Variants in LPP observed in about 807,000 individuals in gnomAD.
LPP encodes the protein LIM domain containing preferred translocation partner in lipoma.
In LPP, 38 loss-of-function variants were observed where a neutral mutation model predicts 60.4. The ratio of observed to expected loss-of-function variants is 0.63; its 90% CI spans 0.49 to 0.83. LPP has a LOEUF of 0.83. Ranked by LOEUF, LPP falls within the 40% of genes least tolerant of loss-of-function variation. LPP has a pLI of 0.00. For missense variants in LPP, 902 were observed against 783.6 expected, an observed-to-expected ratio of 1.15 and a Z score of -1.80; for synonymous variants, 328 against 290.8, an observed-to-expected ratio of 1.13 and a Z score of -1.30.
At chr3:188,605,284 T>C (rs950280713) in intron 6 of LPP, among the ~76,000 whole-genome samples, 4 of 152,088 alleles carry the variant, frequency 2.6e-5, no homozygotes, top group Admixed American at 6.6e-5. Context: ...AATGGTAAAA[T>C]GTGGACATAT....
At chr3:188,670,808 A>G (rs1297753345) in intron 7 of LPP, among the ~76,000 whole-genome samples, 1 of 152,196 alleles carries the variant, frequency 6.6e-6, no homozygotes, top group African/African-American at 2.4e-5. Context: ...ACTCAAGTCA[A>G]GGGATTCCAA....
At chr3:188,184,339 C>T (rs967169070) in intron 1 of LPP, among the ~76,000 whole-genome samples, 8 of 152,056 alleles carry the variant, frequency 5.3e-5, no homozygotes, top group Admixed American at 1.3e-4. Flanking sequence ...GAGAACTTTC[C>T]CACAAGGAGC....
At chr3:188,696,025 A>G (rs1249220573) in intron 7 of LPP, among the ~76,000 whole-genome samples, 1 of 152,222 alleles carries the variant, frequency 6.6e-6, no homozygotes, top group Non-Finnish European at 1.5e-5. Context: ...CTACAGAAAG[A>G]AGAAATGATT....
intron 9 of LPP, among the ~76,000 whole-genome samples, chr3:188,785,710 C>T (rs1741635257): frequency 6.6e-6 from 1 of 151,598 alleles, no homozygotes; most frequent in East Asian, 1.9e-4. Context: ...TTCTTTTCCT[C>T]TGGGTAGATA....
chr3:188,542,594 TGTG>T (rs1308345804), intron 6 of LPP, among the ~76,000 whole-genome samples: 6 of 152,230 alleles, frequency 3.9e-5, no homozygotes, highest in Admixed American at 3.3e-4. Context: ...ATATGTGAGA[TGTG>T]GTCACAAACA....
chr3:188,719,007 A>C, intron 8 of LPP, among the ~76,000 whole-genome samples: 1 of 152,166 alleles, frequency 6.6e-6, no homozygotes, highest in East Asian at 1.9e-4. Context: ...ACTTAAGGGC[A>C]CAGGAAAACA....
chr3:188,339,786 A>G (rs1300627850), intron 2 of LPP, among the ~76,000 whole-genome samples: 14 of 152,114 alleles, frequency 9.2e-5, no homozygotes, highest in Admixed American at 9.2e-4. Flanking sequence ...ACTCTTCACA[A>G]AACTTCACTG....
chr3:188,546,731 G>C (rs1429745442), intron 6 of LPP, among the ~76,000 whole-genome samples: 1 of 152,114 alleles, frequency 6.6e-6, no homozygotes, highest in Non-Finnish European at 1.5e-5. Context: ...TATTCCATCT[G>C]GTGATCTATT....
In LPP at chr3:188,407,780, GTTTGTTTGTT is replaced by G. The variant is rs1288944148; in HGVS notation, c.193+1471_193+1480del. Among the ~76,000 whole-genome samples the G allele has an allele frequency of 3.5e-3, 329 of 94,788 alleles. 9 individuals carry two copies. The highest frequency in any genetic ancestry group is 0.015 in the Middle Eastern group (2 of 130). 62.2% of individuals were successfully genotyped at this position (94,788 alleles called of 152,430 possible). A position where few individuals can be genotyped will look rare whatever the true frequency, so the allele number is the denominator to read the frequency against. ...TTCCTCATTTATGGTTTTTTTTTTTGTTTGTTTGTTTTTTTTTTTTTTTTTTTGAGATGGA... is the reference window on the plus strand; with the variant it reads ...TTCCTCATTTATGGTTTTTTTTTTTGTTTTTTTTTTTTTTTTTGAGATGGA... On this transcript the variant is annotated intron_variant, in intron 4 of 11. Coordinates refer to ENST00000617246, the MANE Select transcript of LPP (RefSeq NM_001375462.1).
chr3:188,270,077 A>G (rs1030288073), intron 2 of LPP, among the ~76,000 whole-genome samples: 4 of 152,136 alleles, frequency 2.6e-5, no homozygotes, highest in African/African-American at 9.7e-5. Context: ...CTGTGGTAAT[A>G]GAAAATCAGA....
At chr3:188,680,530 A>T (rs942327240) in intron 7 of LPP, among the ~76,000 whole-genome samples, 1 of 152,228 alleles carries the variant, frequency 6.6e-6, no homozygotes, top group Non-Finnish European at 1.5e-5. Flanking sequence ...GATGCCTGCA[A>T]TAGTGGGAGA....
intron 2 of LPP, among the ~76,000 whole-genome samples, chr3:188,268,017 A>ATT (rs5855185): frequency 1.5e-4 from 15 of 102,326 alleles, no homozygotes; most frequent in Non-Finnish European, 2.3e-4. Flanking sequence ...ATTTTTAAGG[A>ATT]TTTTTTTTTT....
At chr3:188,310,834 T>A (rs542233482) in intron 2 of LPP, among the ~76,000 whole-genome samples, 1 of 152,214 alleles carries the variant, frequency 6.6e-6, no homozygotes, top group African/African-American at 2.4e-5. Flanking sequence ...TTATTGCTAT[T>A]ATTATTTTTT....
At chr3:188,464,508 G>A (rs1263773168) in intron 4 of LPP, among the ~76,000 whole-genome samples, 1 of 152,166 alleles carries the variant, frequency 6.6e-6, no homozygotes, top group Non-Finnish European at 1.5e-5. Flanking sequence ...ACAAATGGAA[G>A]ATTTAGGGGA....
chr3:188,249,026 A>T (rs1728123275), intron 2 of LPP, among the ~76,000 whole-genome samples: 1 of 152,192 alleles, frequency 6.6e-6, no homozygotes, highest in South Asian at 2.1e-4. Context: ...GGTCTTGGAC[A>T]TGTGAGGTGT....
chr3:188,771,263 A>C (rs189440507), intron 9 of LPP, among the ~76,000 whole-genome samples: 188 of 152,192 alleles, frequency 1.2e-3, no homozygotes, highest in Middle Eastern at 0.01. Context: ...AAAAAGAAAA[A>C]AGAGGCCGGG....
At chr3:188,158,905 T>C (rs1300266102) in intron 1 of LPP, among the ~76,000 whole-genome samples, 4 of 152,220 alleles carry the variant, frequency 2.6e-5, no homozygotes, top group East Asian at 3.9e-4. Flanking sequence ...GGGGTCACAA[T>C]TGAGGATTCA....
chr3:188,641,957 T>C (rs906957720), intron 7 of LPP, among the ~76,000 whole-genome samples: 10 of 152,230 alleles, frequency 6.6e-5, no homozygotes, highest in Non-Finnish European at 1.2e-4. Flanking sequence ...GGAACGGACC[T>C]GATCTTTCAT....
At chr3:188,446,539 CTTTGTTTTTA>C (rs1233693727) in intron 4 of LPP, among the ~76,000 whole-genome samples, 1 of 151,996 alleles carries the variant, frequency 6.6e-6, no homozygotes, top group African/African-American at 2.4e-5. Flanking sequence ...TTTTATTTTT[CTTTGTTTTTA>C]TTTGTTTGTA....
Sources: allele counts gnomAD v4.1 joint callset (sites outside exome capture counted in the v4.1 genomes callset), GRCh38; gene constraint gnomAD v4.1.1; transcripts MANE v1.5; gene names NCBI Gene and HGNC (gene_info 2026-07-23, HGNC 2026-07-21).